Variants in SPTLC2 observed in about 807,000 individuals in gnomAD.
SPTLC2 encodes the protein serine palmitoyltransferase long chain base subunit 2.
SPTLC2 carries 21 observed loss-of-function variants against 62.0 expected under a neutral mutation model. The observed-to-expected ratio is 0.34, with a 90% CI of 0.24 to 0.49. SPTLC2 has a LOEUF of 0.49. Ranked by LOEUF, SPTLC2 falls within the 20% of genes least tolerant of loss-of-function variation. SPTLC2 has a pLI of 0.99. For synonymous variants in SPTLC2, 261 were observed against 261.8 expected (o/e 1.00, Z 0.03); for missense variants, 511 against 713.0 (o/e 0.72, Z 3.23).
At chr14:77,573,738 G>A (rs1310237460) in intron 4 of SPTLC2, among the ~76,000 whole-genome samples, 11 of 151,892 alleles carry the variant, frequency 7.2e-5, no homozygotes, top group South Asian at 2.1e-4. Flanking sequence ...AGAGATTCTC[G>A]TGCCTCAGCC....
Position 77,571,508 on chromosome 14 carries a change from CAAAA to C in SPTLC2, c.632-1004_632-1001del, listed in dbSNP as rs71128649. Among the ~76,000 whole-genome samples, 195 of 133,358 alleles carry C rather than the reference CAAAA, an allele frequency of 1.5e-3. 1 individual carries two copies. The highest frequency in any genetic ancestry group is 2.4e-3 in the African/African-American group (84 of 34,578). The allele number at this position is 133,358 out of a possible 152,430, so 87.5% of individuals were successfully genotyped here. A position where few individuals can be genotyped will look rare whatever the true frequency, so the allele number is the denominator to read the frequency against. On this transcript the variant is annotated intron_variant, in intron 4 of 11. Transcript: ENST00000216484. ...TAGGCAACAGAGCGAGACTCTGACT[CAAAA>C]AAAAAAAAAAAAAAGGTTCTTCCCT...
chr14:77,545,316 C>T (rs1261628725), intron 9 of SPTLC2, among the ~76,000 whole-genome samples: 3 of 151,196 alleles, frequency 2.0e-5, no homozygotes, highest in African/African-American at 7.3e-5. Flanking sequence ...TCCCAGGCTG[C>T]AGTGCAATGG....
chr14:77,540,254 T>C (rs986267399), intron 9 of SPTLC2, among the ~76,000 whole-genome samples: 1 of 151,298 alleles, frequency 6.6e-6, no homozygotes, highest in Non-Finnish European at 1.5e-5. Context: ...CTGGATATGT[T>C]TTGAAGATCA....
chr14:77,601,294 C>CCTAACCGATCAATGTACTTTGTAAT (rs2079875949), intron 1 of SPTLC2, among the ~76,000 whole-genome samples: 3 of 152,130 alleles, frequency 2.0e-5, no homozygotes, highest in Non-Finnish European at 4.4e-5. Flanking sequence ...TCTGCCCCAC[C>CCTAACCGATCAATGTACTTTGTAAT]CTAACCGATC....
At chr14:77,531,167 G>A (rs1355186110) in intron 9 of SPTLC2, among the ~76,000 whole-genome samples, 2 of 152,166 alleles carry the variant, frequency 1.3e-5, no homozygotes, top group Non-Finnish European at 2.9e-5. Flanking sequence ...ACCATTTCCA[G>A]AGTTTCTCAG....
chr14:77,538,612 C>T (rs1739185286), intron 9 of SPTLC2, among the ~76,000 whole-genome samples: 1 of 152,050 alleles, frequency 6.6e-6, no homozygotes, highest in African/African-American at 2.4e-5. Context: ...GCTCTGTTGC[C>T]CAGGCTGGAG....
chr14:77,604,596 G>A (rs1275775951), intron 1 of SPTLC2, among the ~76,000 whole-genome samples: 2 of 152,032 alleles, frequency 1.3e-5, no homozygotes, highest in Non-Finnish European at 2.9e-5. Context: ...GGCCAGATGC[G>A]GTGGCTCACA....
At chr14:77,518,539 G>GT (rs759694017) in intron 10 of SPTLC2, among the ~76,000 whole-genome samples, 11 of 149,380 alleles carry the variant, frequency 7.4e-5, no homozygotes, top group Admixed American at 1.3e-4. Context: ...AGAAGCTGTA[G>GT]TAAGGCAAGA....
At chr14:77,564,296 G>GAGGAGGAGA (rs1002355994) in intron 5 of SPTLC2, among the ~76,000 whole-genome samples, 4 of 80,712 alleles carry the variant, frequency 5.0e-5, no homozygotes, top group Admixed American at 1.3e-4. Flanking sequence ...AAAGGAGGAA[G>GAGGAGGAGA]AGGAGGAGAA....
rs1052149542 is a variant in SPTLC2 at position 77,511,000 on chromosome 14, T to C, written c.*1284A>G. ...TGAAAGAAGTCCCTTTACCTGGTTATAGTATGAAAACAGTCAAAATAGAAA... is the reference window on the plus strand; with the variant it reads ...TGAAAGAAGTCCCTTTACCTGGTTACAGTATGAAAACAGTCAAAATAGAAA... On this transcript the variant is annotated 3_prime_UTR_variant, in exon 12 of 12. Transcript: ENST00000216484. 1.3e-5 allele frequency: 2 copies of C among 152,564 alleles called. No homozygotes were observed. Among genetic ancestry groups the C allele is most frequent in the African/African-American group, 4.8e-5 (2 of 41,430 alleles). 9.5% of individuals were successfully genotyped at this position (152,564 alleles called of 1,614,324 possible).
At chr14:77,597,089 G>T in intron 2 of SPTLC2, 97 bp downstream of exon 2, 1 of 1,217,144 alleles carries the variant, frequency 8.2e-7, no homozygotes, top group African/African-American at 1.5e-5. Flanking sequence ...TAATTTTAAT[G>T]TGTACCCAAA....
At chr14:77,614,663 C>CAA (rs3216478) in intron 1 of SPTLC2, among the ~76,000 whole-genome samples, 1 of 143,714 alleles carries the variant, frequency 7.0e-6, no homozygotes. Context: ...GACTCCATCT[C>CAA]AAAAAAAACC....
At chr14:77,537,698 A>G (rs2079478340) in intron 9 of SPTLC2, among the ~76,000 whole-genome samples, 1 of 152,210 alleles carries the variant, frequency 6.6e-6, no homozygotes, top group Non-Finnish European at 1.5e-5. Context: ...ACTAGTAACT[A>G]TGTGTCCTTG....
chr14:77,517,985 C>T (rs1486605447), intron 11 of SPTLC2, 53 bp downstream of exon 11: 4 of 1,610,848 alleles, frequency 2.5e-6, no homozygotes, highest in Admixed American at 3.3e-5. Flanking sequence ...ATCTAATATA[C>T]AGGCCCTTTT....
At chr14:77,608,378 AAT>A (rs1267100979) in intron 1 of SPTLC2, among the ~76,000 whole-genome samples, 1 of 152,230 alleles carries the variant, frequency 6.6e-6, no homozygotes, top group Non-Finnish European at 1.5e-5. Flanking sequence ...GTATGTATGA[AAT>A]ATGACACAGT....
At chr14:77,599,648 C>T (rs1004290821) in intron 1 of SPTLC2, among the ~76,000 whole-genome samples, 1 of 152,174 alleles carries the variant, frequency 6.6e-6, no homozygotes, top group Non-Finnish European at 1.5e-5. Context: ...TCATTTGGGT[C>T]TTCATCAATC....
chr14:77,600,502 G>A (rs904285477), intron 1 of SPTLC2, among the ~76,000 whole-genome samples: 2 of 152,092 alleles, frequency 1.3e-5, no homozygotes, highest in South Asian at 4.1e-4. Context: ...AACAATAATG[G>A]TATTACTCTC....
intron 1 of SPTLC2, among the ~76,000 whole-genome samples, chr14:77,600,703 T>C (rs755916058): frequency 5.9e-5 from 9 of 152,144 alleles, no homozygotes; most frequent in Non-Finnish European, 1.3e-4. Context: ...GCATTATTAA[T>C]CAAGGAAAGA....
chr14:77,551,390 C>CAAAAAAA (rs11347331), intron 9 of SPTLC2, among the ~76,000 whole-genome samples: 15 of 61,190 alleles, frequency 2.5e-4, no homozygotes, highest in Admixed American at 5.0e-4. Context: ...GACTCCGTCT[C>CAAAAAAA]AAAAAAAAAA....
Sources: allele counts gnomAD v4.1 joint callset (sites outside exome capture counted in the v4.1 genomes callset), GRCh38; gene constraint gnomAD v4.1.1; transcripts MANE v1.5; gene names NCBI Gene and HGNC (gene_info 2026-07-23, HGNC 2026-07-21).